The following C1QTNF3 variants were observed in gnomAD, a reference collection of about 807,000 sequenced individuals.
C1QTNF3 encodes the protein C1q and TNF related 3.
A neutral mutation model predicts 32.6 loss-of-function variants in C1QTNF3; 26 were observed. That is an observed-to-expected ratio of 0.80 (90% CI 0.58 to 1.11). The LOEUF (loss-of-function observed/expected upper bound fraction) is 1.11. Ranked by LOEUF, C1QTNF3 falls within the 50% of genes least tolerant of loss-of-function variation. The probability of loss-of-function intolerance (pLI) is 0.00; values close to 1 mark genes in which losing one functional copy is unlikely to be tolerated. For synonymous variants in C1QTNF3, 155 were observed against 146.0 expected (o/e 1.06, Z -0.44); for missense variants, 362 against 398.2 (o/e 0.91, Z 0.77).
chr5:34,132,962 T>C, the C1QTNF3 span, among the ~76,000 whole-genome samples: 2 of 152,194 alleles, frequency 1.3e-5, no homozygotes, highest in African/African-American at 2.4e-5. Context: ...CATAATTAGA[T>C]TGTGCATTAG....
rs1337760724 is a variant in C1QTNF3 at position 34,018,902 on chromosome 5, AGATCACCTGAGGTCAGGAGTTCCAGACC to A, written c.*1653_*1680del. ...AGCACTTTGGAAGACCGAGGCAGGCAGATCACCTGAGGTCAGGAGTTCCAGACCGGCCTGGTCAACATGGTGAAACCCC... is the reference window on the plus strand; with the variant it reads ...AGCACTTTGGAAGACCGAGGCAGGCAGGCCTGGTCAACATGGTGAAACCCC... On this transcript the variant is annotated 3_prime_UTR_variant, in exon 6 of 6. Coordinates refer to ENST00000382065, the MANE Select transcript of C1QTNF3 (RefSeq NM_181435.6). Among the ~76,000 whole-genome samples, 63 of 152,322 alleles carry A rather than the reference AGATCACCTGAGGTCAGGAGTTCCAGACC, an allele frequency of 4.1e-4. 1 individual carries two copies. Among genetic ancestry groups the A allele is most frequent in the African/African-American group, 1.5e-3 (61 of 41,576 alleles).
chr5:34,118,624 T>G, the C1QTNF3 span, among the ~76,000 whole-genome samples: 1 of 151,868 alleles, frequency 6.6e-6, no homozygotes, highest in Admixed American at 6.6e-5. Context: ...CCTTCTGACA[T>G]GTATTTTTTT....
At chr5:34,067,257 T>A in the C1QTNF3 span, among the ~76,000 whole-genome samples, 1 of 152,190 alleles carries the variant, frequency 6.6e-6, no homozygotes, top group African/African-American at 2.4e-5. Context: ...CTCCCAACTG[T>A]TTCACCCTCT....
At chr5:34,223,599 A>T in the C1QTNF3 span, among the ~76,000 whole-genome samples, 1 of 151,886 alleles carries the variant, frequency 6.6e-6, no homozygotes, top group Non-Finnish European at 1.5e-5. Context: ...TGCCACACTG[A>T]CTTCCACAAT....
intron 4 of C1QTNF3, among the ~76,000 whole-genome samples, chr5:34,026,633 C>T (rs766144691): frequency 3.3e-5 from 5 of 151,958 alleles, no homozygotes; most frequent in Non-Finnish European, 7.4e-5. Context: ...TTAAAAGAAT[C>T]CGTTAGTCCC....
At chr5:34,207,213 G>A in the C1QTNF3 span, among the ~76,000 whole-genome samples, 2 of 151,824 alleles carry the variant, frequency 1.3e-5, no homozygotes, top group South Asian at 2.1e-4. Context: ...CTTTCCTGGG[G>A]TATAATAAGA....
chr5:34,068,545 G>GGAGA, the C1QTNF3 span, among the ~76,000 whole-genome samples: 3 of 149,138 alleles, frequency 2.0e-5, no homozygotes, highest in East Asian at 2.0e-4. Context: ...AGAGAGAGAG[G>GGAGA]GAGAGAGAGA....
chr5:34,237,524 AATGTTACAAAGTCT>A, the C1QTNF3 span, among the ~76,000 whole-genome samples: 1 of 152,202 alleles, frequency 6.6e-6, no homozygotes, highest in Non-Finnish European at 1.5e-5. Flanking sequence ...AATATTCAAA[AATGTTACAAAGTCT>A]ATCAAAGAGG....
the C1QTNF3 span, among the ~76,000 whole-genome samples, chr5:34,071,934 T>A: frequency 6.6e-6 from 1 of 152,062 alleles, no homozygotes; most frequent in Non-Finnish European, 1.5e-5. Flanking sequence ...AAAGCTATTG[T>A]GATATTACTT....
the C1QTNF3 span, among the ~76,000 whole-genome samples, chr5:34,185,365 A>AT: frequency 1.3e-5 from 2 of 152,350 alleles, no homozygotes; most frequent in African/African-American, 4.8e-5. Context: ...ATCTCAAAAA[A>AT]AATAATAATA....
At chr5:34,071,783 G>T in the C1QTNF3 span, among the ~76,000 whole-genome samples, 3 of 152,042 alleles carry the variant, frequency 2.0e-5, no homozygotes, top group Non-Finnish European at 2.9e-5. Context: ...AAAGAAGAAA[G>T]AAATATTGCT....
At chr5:34,216,722 C>A in the C1QTNF3 span, among the ~76,000 whole-genome samples, 5 of 152,170 alleles carry the variant, frequency 3.3e-5, no homozygotes, top group African/African-American at 1.2e-4. Context: ...AAATTTGTGT[C>A]CACAAAATCT....
the C1QTNF3 span, among the ~76,000 whole-genome samples, chr5:34,215,854 A>T: frequency 6.6e-6 from 1 of 152,242 alleles, no homozygotes; most frequent in East Asian, 1.9e-4. Context: ...GCTGGTCTTG[A>T]GCTCTTTGCC....
chr5:34,207,829 C>T, the C1QTNF3 span, among the ~76,000 whole-genome samples: 48 of 152,018 alleles, frequency 3.2e-4, no homozygotes, highest in South Asian at 8.3e-3. Context: ...ACTCAGTCAC[C>T]CAGGCTGGAG....
chr5:34,101,264 G>C, the C1QTNF3 span, among the ~76,000 whole-genome samples: 2 of 149,500 alleles, frequency 1.3e-5, no homozygotes, highest in Non-Finnish European at 3.0e-5. Flanking sequence ...GGTGAAGGGG[G>C]AAGATTCTGG....
At chr5:34,033,258 C>T in intron 3 of C1QTNF3, 46 bp downstream of exon 3, 1 of 1,596,524 alleles carries the variant, frequency 6.3e-7, no homozygotes, top group Non-Finnish European at 8.5e-7. Context: ...CCCTTTTGGT[C>T]AGGCAGGTTG....
chr5:34,130,117 A>T, the C1QTNF3 span, among the ~76,000 whole-genome samples: 6 of 150,096 alleles, frequency 4.0e-5, no homozygotes, highest in Admixed American at 2.0e-4. Context: ...TTCTCTGATC[A>T]CTATTTTATA....
chr5:34,131,665 G>T, the C1QTNF3 span, among the ~76,000 whole-genome samples: 3 of 152,094 alleles, frequency 2.0e-5, no homozygotes, highest in Non-Finnish European at 2.9e-5. Flanking sequence ...ATTTGTCAAG[G>T]GATACAAAAT....
At chr5:34,126,391 C>G in the C1QTNF3 span, among the ~76,000 whole-genome samples, 1 of 149,684 alleles carries the variant, frequency 6.7e-6, no homozygotes, top group Non-Finnish European at 1.5e-5. Context: ...ATATTTACTG[C>G]ATTAAATACA....
Sources: gnomAD v4.1 joint callset for allele counts (sites outside exome capture counted in the v4.1 genomes callset) on GRCh38, gnomAD v4.1.1 for gene constraint, MANE v1.5 for transcripts, NCBI Gene and HGNC (gene_info 2026-07-23, HGNC 2026-07-21) for gene names.